CSMD1: variants seen among roughly 807,000 people sequenced by gnomAD.
The protein encoded by CSMD1 is CUB and sushi domain-containing protein 1.
In CSMD1, 213 loss-of-function variants were observed where a neutral mutation model predicts 417.5. That is an observed-to-expected ratio of 0.51 (90% CI 0.46 to 0.57). The LOEUF (loss-of-function observed/expected upper bound fraction) is 0.57, where lower values mean the gene tolerates loss of function less well. Among genes scored for constraint, CSMD1 ranks in the 20% least tolerant of loss-of-function variants. The pLI is 0.00. For synonymous variants in CSMD1, 2,862 were observed against 1,736.8 expected (o/e 1.65, Z -16.11); for missense variants, 6,923 against 4,529.7 (o/e 1.53, Z -15.17).
intron 52 of CSMD1, among the ~76,000 whole-genome samples, chr8:3,004,423 G>A (rs879313041): frequency 4.6e-5 from 7 of 152,162 alleles, no homozygotes; most frequent in Non-Finnish European, 8.8e-5. Context: ...TGGCAAGAAA[G>A]CAAGTGACCC....
intron 3 of CSMD1, among the ~76,000 whole-genome samples, chr8:4,277,487 A>T (rs900166493): frequency 4.6e-5 from 7 of 152,118 alleles, no homozygotes; most frequent in African/African-American, 1.7e-4. Flanking sequence ...TTAAAAAAGC[A>T]TATTCTCATT....
chr8:2,996,567 C>G (rs922168956), intron 54 of CSMD1, among the ~76,000 whole-genome samples: 1 of 152,204 alleles, frequency 6.6e-6, no homozygotes, highest in Non-Finnish European at 1.5e-5. Flanking sequence ...GCGGCCTCCA[C>G]AAAGAGTCAC....
intron 10 of CSMD1, among the ~76,000 whole-genome samples, chr8:3,542,232 T>C (rs1267045513): frequency 6.6e-6 from 1 of 152,202 alleles, no homozygotes; most frequent in Admixed American, 6.5e-5. Flanking sequence ...CAATGACTAT[T>C]TGTGACATAC....
intron 3 of CSMD1, among the ~76,000 whole-genome samples, chr8:4,165,913 T>C (rs186532376): frequency 1.2e-4 from 19 of 152,330 alleles, no homozygotes; most frequent in Non-Finnish European, 5.9e-5. Flanking sequence ...GTATCAGATA[T>C]ATATATACTG....
At chr8:3,303,694 G>A (rs1311213999) in intron 25 of CSMD1, among the ~76,000 whole-genome samples, 1 of 152,172 alleles carries the variant, frequency 6.6e-6, no homozygotes, top group East Asian at 1.9e-4. Context: ...GTTGCTAGCT[G>A]AAGAAGTTTA....
At chr8:3,828,889 T>C (rs1322328140) in intron 5 of CSMD1, among the ~76,000 whole-genome samples, 1 of 152,146 alleles carries the variant, frequency 6.6e-6, no homozygotes, top group East Asian at 1.9e-4. Flanking sequence ...ACCAACCCCA[T>C]GTTCACTGTA....
At chr8:2,962,766 A>G in intron 60 of CSMD1, 127 bp from the exon 61 acceptor site, 1 of 1,013,110 alleles carries the variant, frequency 9.9e-7, no homozygotes, top group Non-Finnish European at 1.4e-6. Context: ...CGCTAAAAGG[A>G]GGCCAGGCAC....
chr8:3,014,216 A>C (rs1212568290), intron 52 of CSMD1, among the ~76,000 whole-genome samples: 2 of 151,754 alleles, frequency 1.3e-5, no homozygotes, highest in Non-Finnish European at 2.9e-5. Flanking sequence ...ACATTTCTGA[A>C]TAGTACTTAT....
chr8:4,308,309 G>T (rs1016550043), intron 3 of CSMD1, among the ~76,000 whole-genome samples: 1 of 151,930 alleles, frequency 6.6e-6, no homozygotes, highest in Non-Finnish European at 1.5e-5. Flanking sequence ...TGAAGTGTAT[G>T]TGTGGGGTGG....
intron 4 of CSMD1, among the ~76,000 whole-genome samples, chr8:4,007,912 T>G (rs775337980): frequency 1.3e-5 from 2 of 152,086 alleles, no homozygotes; most frequent in Non-Finnish European, 2.9e-5. Flanking sequence ...TAAAAAAAAG[T>G]AGTCTATAAA....
At chr8:4,921,224 A>G (rs376828342) in intron 1 of CSMD1, among the ~76,000 whole-genome samples, 9 of 152,304 alleles carry the variant, frequency 5.9e-5, no homozygotes, top group South Asian at 4.1e-4. Flanking sequence ...CTCACGTTCC[A>G]TTCAGAAACC....
chr8:3,821,461 T>C (rs1801731012), intron 5 of CSMD1, among the ~76,000 whole-genome samples: 1 of 151,986 alleles, frequency 6.6e-6, no homozygotes, highest in Admixed American at 6.6e-5. Context: ...ACAATGCCAC[T>C]AAGTGTAGGA....
chr8:4,540,402 C>T (rs573330629), intron 2 of CSMD1, among the ~76,000 whole-genome samples: 1 of 152,118 alleles, frequency 6.6e-6, no homozygotes, highest in East Asian at 1.9e-4. Context: ...ACAACAACCG[C>T]GAAAATCTCA....
intron 7 of CSMD1, among the ~76,000 whole-genome samples, chr8:3,707,390 A>G (rs17326699): frequency 0.14 from 21,193 of 152,184 alleles, 1,900 homozygotes; most frequent in Non-Finnish European, 0.2. Flanking sequence ...CACAGATGCA[A>G]AACACCGGGG....
rs1409220470 is a variant in CSMD1, at chr8:2,936,587, T to C, written c.*1998A>G. 1 of 152,092 alleles carries C rather than the reference T, an allele frequency of 6.6e-6. No homozygotes were observed. The highest frequency in any genetic ancestry group is 1.5e-5 in the Non-Finnish European group (1 of 68,048). The allele number at this position is 152,092 out of a possible 1,614,324, so 9.4% of individuals were successfully genotyped here. ...GCAAATCTCCAAGGATGTGGGCAGGTTGGCCAGGGAAAACTGTGCAGAGAA... is the reference window on the plus strand; with the variant it reads ...GCAAATCTCCAAGGATGTGGGCAGGCTGGCCAGGGAAAACTGTGCAGAGAA... On this transcript the variant is annotated 3_prime_UTR_variant, in exon 70 of 70. Transcript: ENST00000635120.
chr8:3,355,282 G>C (rs942341435), intron 21 of CSMD1, among the ~76,000 whole-genome samples: 6 of 151,758 alleles, frequency 4.0e-5, no homozygotes, highest in African/African-American at 1.5e-4. Context: ...AAAATTTTTT[G>C]TTCAAATAAT....
At chr8:4,064,518 C>G (rs191471476) in intron 3 of CSMD1, among the ~76,000 whole-genome samples, 4 of 152,196 alleles carry the variant, frequency 2.6e-5, no homozygotes, top group Non-Finnish European at 4.4e-5. Flanking sequence ...GGGATAACAT[C>G]CAAGTGAAGC....
At chr8:3,049,716 G>A (rs1308001601) in intron 50 of CSMD1, among the ~76,000 whole-genome samples, 1 of 152,042 alleles carries the variant, frequency 6.6e-6, no homozygotes, top group Non-Finnish European at 1.5e-5. Context: ...ATTTGTCCAA[G>A]CCCACAGATG....
At chr8:3,423,482 A>G (rs529636615) in intron 12 of CSMD1, among the ~76,000 whole-genome samples, 3 of 152,182 alleles carry the variant, frequency 2.0e-5, no homozygotes, top group Non-Finnish European at 4.4e-5. Context: ...TCTGAGATTC[A>G]TCCATTTGGT....
Sources: allele counts gnomAD v4.1 joint callset (sites outside exome capture counted in the v4.1 genomes callset), GRCh38; gene constraint gnomAD v4.1.1; transcripts MANE v1.5; gene names NCBI Gene and HGNC (gene_info 2026-07-23, HGNC 2026-07-21).